Variants in ATOH8 observed in about 807,000 individuals in gnomAD.
ATOH8 encodes the protein atonal bHLH transcription factor 8, also known as transcription factor ATOH8.
Under a neutral mutation model 21.2 loss-of-function variants are expected in ATOH8, and 9 were observed. The observed-to-expected ratio is 0.42, with a 90% confidence interval of 0.26 to 0.74. The LOEUF is 0.74. Among genes scored for constraint, ATOH8 ranks in the 30% least tolerant of loss-of-function variants. The pLI, the probability that ATOH8 is intolerant of heterozygous loss-of-function variation, is 0.24. For missense variants in ATOH8, 524 were observed against 470.9 expected (o/e 1.11, Z -1.04); for synonymous variants, 253 against 224.0 (o/e 1.13, Z -1.16).
chr2:85,754,350 C>T lies in ATOH8; in HGVS notation c.161C>T (p.Ala54Val), dbSNP rs934644090. 1.9e-6 allele frequency: 3 copies of T among 1,607,148 alleles called. No individual in the cohort carries two copies. The highest frequency in any genetic ancestry group is 2.7e-5 in the African/African-American group (2 of 73,668). Reference protein sequence around the residue: ...RLDLEAPEPRAVATNGLRDRT... With the variant: ...RLDLEAPEPRVVATNGLRDRT... ...GACTTGGAAGCGCCCGAGCCCCGCG[C>T]CGTAGCCACCAACGGGCTGCGGGAC... Residue 54 changes from alanine (A) to valine (V), a missense_variant, in exon 1 of 3, where the codon GCC (alanine) becomes GTC (valine). Coordinates refer to ENST00000306279, the MANE Select transcript of ATOH8 (RefSeq NM_032827.7).
chr2:85,781,058 C>A lies in ATOH8; in HGVS notation c.961-5827C>A, dbSNP rs1047887160. ...CTGTCCCTTGGAGAAGATGTGAAAG[C>A]AGATCTGTCAAACGCAAGGATGTCC... On this transcript the variant is annotated intron_variant, in intron 2 of 2. Transcript: ENST00000306279. The A allele has an allele frequency of 7.1e-6, 7 of 988,082 alleles. No individual in the cohort carries two copies. The Middle Eastern group carries it at 1.7e-3, about 239-fold the overall frequency. 61.2% of individuals were successfully genotyped at this position (988,082 alleles called of 1,614,324 possible). A position where few individuals can be genotyped will look rare whatever the true frequency, so the allele number is the denominator to read the frequency against.
rs1334113120 is a variant in ATOH8 at position 85,789,602 on chromosome 2, A to G, written c.*2712A>G. Among the ~76,000 whole-genome samples, 3 of 152,200 alleles carry G rather than the reference A, an allele frequency of 2.0e-5. No homozygotes were observed. The highest frequency in any genetic ancestry group is 7.2e-5 in the African/African-American group (3 of 41,440). On this transcript the variant is annotated 3_prime_UTR_variant, in exon 3 of 3. Coordinates refer to ENST00000306279, the MANE Select transcript of ATOH8 (RefSeq NM_032827.7). ...GGCAGGAAATTGGAATCACCCAAGG[A>G]GATTATTAAATATTAAATATTGATA... is the stretch of plus-strand genomic sequence containing the variant.
intron 2 of ATOH8, among the ~76,000 whole-genome samples, chr2:85,786,171 C>T (rs1680617031): frequency 6.6e-6 from 1 of 152,232 alleles, no homozygotes; most frequent in Admixed American, 6.5e-5. Flanking sequence ...CACCCTGATT[C>T]TCAGACATGT....
At chr2:85,767,181 A>G in intron 2 of ATOH8, among the ~76,000 whole-genome samples, 1 of 152,098 alleles carries the variant, frequency 6.6e-6, no homozygotes, top group Non-Finnish European at 1.5e-5. Flanking sequence ...CCCCACCTCC[A>G]TTTACAGAGA....
chr2:85,772,983 A>G, intron 2 of ATOH8: 1 of 370,634 alleles, frequency 2.7e-6, no homozygotes, highest in South Asian at 2.1e-5. Flanking sequence ...CTATTTTCCT[A>G]AGAAAACAGC....
chr2:85,754,715 G>C lies in ATOH8; in HGVS notation c.526G>C (p.Glu176Gln), dbSNP rs765432576. 12 of 1,611,344 alleles carry C rather than the reference G, an allele frequency of 7.4e-6. No homozygotes were observed. The highest frequency in any genetic ancestry group is 4.0e-5 in the African/African-American group (3 of 74,894). ...SAPPAPPAPP[E>Q]STVRPAPPTR... ...ACCCCCAGCACCGCCAGCGCCCCCG[G>C]AGTCCACTGTGCGCCCTGCGCCCCC... The change falls in exon 1 of 3, where the codon GAG (glutamate) becomes CAG (glutamine). Residue 176 changes from glutamate (E) to glutamine (Q), a missense_variant. Transcript: ENST00000306279.
chr2:85,782,683 TTG>T, intron 2 of ATOH8, among the ~76,000 whole-genome samples: 1 of 109,048 alleles, frequency 9.2e-6, no homozygotes, highest in East Asian at 2.6e-4. Context: ...TATTTATTTG[TTG>T]TTGTTGTTGT....
chr2:85,775,042 A>G (rs1680285058), intron 2 of ATOH8: 3 of 983,824 alleles, frequency 3.0e-6, no homozygotes, highest in African/African-American at 3.5e-5. Context: ...ATGAGTTAAA[A>G]TGTTAGACAA....
chr2:85,772,390 T>G (rs1680208213), intron 2 of ATOH8, among the ~76,000 whole-genome samples: 1 of 151,878 alleles, frequency 6.6e-6, no homozygotes, highest in African/African-American at 2.4e-5. Flanking sequence ...GAACAGAGGG[T>G]CCCCCGCCCG....
Position 85,754,118 on chromosome 2 carries a change from G to A in ATOH8, c.-72G>A, listed in dbSNP as rs1448514769. ...GAGGGCGGGCGAAGCGGGAGAGCCA[G>A]AGACTCCTCGGCGCTGAGCGCGGCG... On this transcript the variant is annotated 5_prime_UTR_variant, in exon 1 of 3. Transcript: ENST00000306279. 12 of 1,395,170 alleles carry A rather than the reference G, an allele frequency of 8.6e-6. No individual in the cohort carries two copies. The highest frequency in any genetic ancestry group is 1.6e-5 in the South Asian group (1 of 62,296). The allele number at this position is 1,395,170 out of a possible 1,614,324, so 86.4% of individuals were successfully genotyped here. A position where few individuals can be genotyped will look rare whatever the true frequency, so the allele number is the denominator to read the frequency against.
chr2:85,756,875 G>T (rs1173476496), intron 1 of ATOH8, among the ~76,000 whole-genome samples: 1 of 152,192 alleles, frequency 6.6e-6, no homozygotes, highest in African/African-American at 2.4e-5. Flanking sequence ...AATCAAGGCA[G>T]GGTGCACACT....
chr2:85,778,367 C>G (rs7576412), intron 2 of ATOH8, among the ~76,000 whole-genome samples: 33,733 of 151,994 alleles, frequency 0.22, 3,940 homozygotes, highest in African/African-American at 0.26. Context: ...GATGTCCCTA[C>G]CCCCACCTGG....
rs193072076 is a variant in ATOH8, at chr2:85,759,442, C to T, written c.768+4485C>T. The stretch of plus-strand genomic sequence containing the variant: ...TGGGATGTCCGTAGTGCTGTCTTCC[C>T]ATTTTACAGATGAGGACACTTACAG... On this transcript the variant is annotated intron_variant, in intron 1 of 2. Coordinates refer to ENST00000306279, the MANE Select transcript of ATOH8 (RefSeq NM_032827.7). Among the ~76,000 whole-genome samples the T allele has an allele frequency of 6.6e-4, 101 of 152,222 alleles. 1 individual carries two copies. Among genetic ancestry groups the T allele is most frequent in the African/African-American group, 2.4e-3 (98 of 41,528 alleles).
intron 1 of ATOH8, chr2:85,760,798 A>G (rs1043852152): frequency 6.6e-6 from 1 of 152,290 alleles, no homozygotes; most frequent in Non-Finnish European, 1.5e-5. Flanking sequence ...TGCTTGATGT[A>G]GTCCTTGAAG....
intron 2 of ATOH8, among the ~76,000 whole-genome samples, chr2:85,786,459 GGCAGCGC>G (rs1158569027): frequency 3.0e-4 from 45 of 152,294 alleles, no homozygotes; most frequent in African/African-American, 1.1e-3. Context: ...TGACTCCTAG[GGCAGCGC>G]AAGGAAGCTG....
intron 2 of ATOH8, among the ~76,000 whole-genome samples, chr2:85,778,547 A>G (rs1196501299): frequency 6.6e-6 from 1 of 152,186 alleles, no homozygotes; most frequent in African/African-American, 2.4e-5. Context: ...TCTCCAAGCC[A>G]CGGGTGCCCC....
intron 2 of ATOH8, among the ~76,000 whole-genome samples, chr2:85,786,642 C>G (rs571010755): frequency 8.5e-5 from 13 of 152,232 alleles, no homozygotes; most frequent in Non-Finnish European, 1.2e-4. Context: ...CTGTGGTCCT[C>G]TTCTTTCCCC....
Position 85,787,119 on chromosome 2 carries a change from G to C in ATOH8, c.*229G>C. ...CACTTTGCCCTCTGCCTGGTGGGGA[G>C]GGGAGAGCTCAGCCCCCGACTCACT... On this transcript the variant is annotated 3_prime_UTR_variant, in exon 3 of 3. Coordinates refer to ENST00000306279, the MANE Select transcript of ATOH8 (RefSeq NM_032827.7). 1 of 578,472 alleles carries C rather than the reference G, an allele frequency of 1.7e-6. No homozygotes were observed. The highest frequency in any genetic ancestry group is 3.1e-6 in the Non-Finnish European group (1 of 326,490). 35.8% of individuals were successfully genotyped at this position (578,472 alleles called of 1,614,324 possible).
At chr2:85,774,964 G>C in intron 2 of ATOH8, 1 of 984,682 alleles carries the variant, frequency 1.0e-6, no homozygotes, top group South Asian at 4.7e-5. Context: ...TCCTTCCTCA[G>C]GGTGTCGTAG....
Sources: allele counts gnomAD v4.1 joint callset (sites outside exome capture counted in the v4.1 genomes callset), GRCh38; gene constraint gnomAD v4.1.1; transcripts MANE v1.5; gene names NCBI Gene and HGNC (gene_info 2026-07-23, HGNC 2026-07-21).